The following SOX6 variants were observed in gnomAD, a reference collection of about 807,000 sequenced individuals.
SOX6 encodes the protein transcription factor SOX-6.
Under a neutral mutation model 97.8 loss-of-function variants are expected in SOX6, and 11 were observed. That is an observed-to-expected ratio of 0.11 (90% CI 0.07 to 0.19). The LOEUF (loss-of-function observed/expected upper bound fraction) is 0.19. Among genes scored for constraint, SOX6 ranks in the 10% least tolerant of loss-of-function variants. The pLI is 1.00. For synonymous variants in SOX6, 360 were observed against 371.4 expected (o/e 0.97, Z 0.35); for missense variants, 810 against 1,039.5 (o/e 0.78, Z 3.04).
At chr11:16,162,518 A>C (rs529669839) in intron 6 of SOX6, among the ~76,000 whole-genome samples, 1 of 152,212 alleles carries the variant, frequency 6.6e-6, no homozygotes, top group Admixed American at 6.5e-5. Context: ...AAATCTGGTC[A>C]TTTAAAAGTG....
chr11:16,100,507 T>C (rs554859058), intron 7 of SOX6, among the ~76,000 whole-genome samples: 12 of 151,820 alleles, frequency 7.9e-5, no homozygotes, highest in African/African-American at 2.9e-4. Context: ...TTATGGAAAA[T>C]TTGCTTGACA....
At chr11:16,322,817 T>C (rs891754768) in intron 2 of SOX6, among the ~76,000 whole-genome samples, 1 of 152,194 alleles carries the variant, frequency 6.6e-6, no homozygotes, top group African/African-American at 2.4e-5. Flanking sequence ...ATGATATAAA[T>C]GTGTTTTGCC....
intron 3 of SOX6, among the ~76,000 whole-genome samples, chr11:16,272,552 C>T (rs947481650): frequency 2.6e-5 from 4 of 151,632 alleles, no homozygotes; most frequent in African/African-American, 7.3e-5. Flanking sequence ...CGATCTTTAG[C>T]AAAATATGTA....
intron 3 of SOX6, among the ~76,000 whole-genome samples, chr11:16,235,353 C>G (rs1021760153): frequency 6.6e-6 from 1 of 152,018 alleles, no homozygotes; most frequent in Non-Finnish European, 1.5e-5. Context: ...GGAGTAATTA[C>G]ACTTGTTTTT....
chr11:16,530,949 ATATAT>A (rs1377644820), intron 4 of SOX6, among the ~76,000 whole-genome samples: 2 of 148,066 alleles, frequency 1.4e-5, no homozygotes, highest in Non-Finnish European at 1.5e-5. Context: ...TAGAATGTAA[ATATAT>A]TATATATAGA....
intron 1 of SOX6, among the ~76,000 whole-genome samples, chr11:16,411,060 C>A (rs1858800673): frequency 6.6e-6 from 1 of 151,654 alleles, no homozygotes; most frequent in Admixed American, 6.6e-5. Flanking sequence ...TCAGAGAAGG[C>A]TCTTCCTAGG....
chr11:16,357,255 CA>C (rs1261940105), upstream of SOX6, among the ~76,000 whole-genome samples: 4 of 152,018 alleles, frequency 2.6e-5, no homozygotes, highest in Admixed American at 2.6e-4. Flanking sequence ...TTCCTCTTTC[CA>C]AAAATAGGCA....
Position 16,513,173 on chromosome 11 carries a change from G to T in SOX6, n.610-36785C>A, listed in dbSNP as rs528014407. Among the ~76,000 whole-genome samples, 16 of 152,336 alleles carry T rather than the reference G, an allele frequency of 1.1e-4. 1 individual carries two copies. In the South Asian group the frequency reaches 2.5e-3, roughly 24 times the overall value. On this transcript the variant is annotated intron_variant and non_coding_transcript_variant, in intron 4 of 5. Coordinates refer to the SOX6 transcript ENST00000524520. ...CAACTTCACACTCAGGAGGTCAACT[G>T]GCAGTAGTATGTGGTGGTTTTTTCT...
At chr11:16,423,847 A>G (rs1590197593) in intron 1 of SOX6, among the ~76,000 whole-genome samples, 2 of 152,238 alleles carry the variant, frequency 1.3e-5, no homozygotes, top group East Asian at 1.9e-4. Context: ...CATAGAAAGA[A>G]CTAAACTTAG....
At chr11:16,477,622 G>C (rs115507841), upstream of SOX6, among the ~76,000 whole-genome samples, 2 of 152,158 alleles carry the variant, frequency 1.3e-5, no homozygotes, top group African/African-American at 4.8e-5. Flanking sequence ...AGGCTGAGGC[G>C]AGTGGATTGC....
At chr11:15,991,224 C>T (rs1190880020) in intron 13 of SOX6, among the ~76,000 whole-genome samples, 1 of 152,182 alleles carries the variant, frequency 6.6e-6, no homozygotes, top group East Asian at 1.9e-4. Flanking sequence ...ACGATACCCA[C>T]AGTACATTAA....
intron 13 of SOX6, among the ~76,000 whole-genome samples, chr11:16,000,300 AT>A (rs1854365954): frequency 6.6e-6 from 1 of 152,204 alleles, no homozygotes; most frequent in Non-Finnish European, 1.5e-5. Context: ...TGAGGAAGTG[AT>A]GTGTTCATCT....
At chr11:16,589,957 A>G (rs1848131668) in intron 4 of SOX6, among the ~76,000 whole-genome samples, 1 of 152,214 alleles carries the variant, frequency 6.6e-6, no homozygotes, top group Non-Finnish European at 1.5e-5. Flanking sequence ...ACATGCTATC[A>G]GAATAACACT....
intron 1 of SOX6, among the ~76,000 whole-genome samples, chr11:16,449,575 A>C (rs1185105980): frequency 1.3e-5 from 2 of 152,108 alleles, no homozygotes. Context: ...TACAGGCGTG[A>C]GCCACGGCGC....
intron 12 of SOX6, among the ~76,000 whole-genome samples, chr11:16,020,313 C>A (rs1441577076): frequency 6.6e-6 from 1 of 152,078 alleles, no homozygotes; most frequent in Admixed American, 6.6e-5. Flanking sequence ...TGCCCACACA[C>A]CTATCTCACT....
At chr11:16,321,850 A>T (rs1351586885) in intron 2 of SOX6, among the ~76,000 whole-genome samples, 1 of 152,122 alleles carries the variant, frequency 6.6e-6, no homozygotes, top group Non-Finnish European at 1.5e-5. Flanking sequence ...AGGGGGCAAA[A>T]TTTACCATTT....
At chr11:16,418,858 T>C (rs1406768318) in intron 1 of SOX6, among the ~76,000 whole-genome samples, 1 of 152,178 alleles carries the variant, frequency 6.6e-6, no homozygotes, top group Non-Finnish European at 1.5e-5. Context: ...GCGAAATATT[T>C]GTGTTGCCAT....
chr11:15,978,927 T>C (rs1194859921), intron 15 of SOX6, among the ~76,000 whole-genome samples: 18 of 138,452 alleles, frequency 1.3e-4, no homozygotes, highest in Non-Finnish European at 2.6e-4. Flanking sequence ...TTATATATTA[T>C]ATATTATATA....
intron 4 of SOX6, among the ~76,000 whole-genome samples, chr11:16,488,061 A>G (rs1860463186): frequency 6.6e-6 from 1 of 152,182 alleles, no homozygotes; most frequent in Non-Finnish European, 1.5e-5. Flanking sequence ...TTCTAAATTC[A>G]CGGTAGAAAT....
Sources: gnomAD v4.1 joint callset for allele counts (sites outside exome capture counted in the v4.1 genomes callset) on GRCh38, gnomAD v4.1.1 for gene constraint, MANE v1.5 for transcripts, NCBI Gene and HGNC (gene_info 2026-07-23, HGNC 2026-07-21) for gene names.